The following ATF7IP variants were observed in gnomAD, a reference collection of about 807,000 sequenced individuals.
ATF7IP encodes the protein activating transcription factor 7 interacting protein.
Under a neutral mutation model 106.4 loss-of-function variants are expected in ATF7IP, and 23 were observed. The observed-to-expected ratio is 0.22, with a 90% confidence interval of 0.16 to 0.31. ATF7IP has a LOEUF of 0.31. ATF7IP is among the 10% of genes least tolerant of loss of function. ATF7IP has a pLI of 1.00. For missense variants in ATF7IP, 1,334 were observed against 1,524.3 expected (o/e 0.88, Z 2.08); for synonymous variants, 542 against 539.0 (o/e 1.01, Z -0.08).
intron 13 of ATF7IP, among the ~76,000 whole-genome samples, chr12:14,494,870 T>A: frequency 7.0e-6 from 1 of 142,864 alleles, no homozygotes. Flanking sequence ...GAGGCGGAGG[T>A]TGCAGTGAGC....
intron 14 of ATF7IP, 122 bp from the exon 15 acceptor site, chr12:14,497,532 T>G: frequency 1.9e-6 from 2 of 1,046,806 alleles, no homozygotes; most frequent in Non-Finnish European, 2.7e-6. Flanking sequence ...GTATTTGGTA[T>G]TTCCTAGAAT....
chr12:14,475,680 GA>G (rs1944237814), intron 10 of ATF7IP, among the ~76,000 whole-genome samples: 1 of 152,014 alleles, frequency 6.6e-6, no homozygotes, highest in Non-Finnish European at 1.5e-5. Context: ...AATTTCTTTT[GA>G]AAATTATATT....
intron 1 of ATF7IP, among the ~76,000 whole-genome samples, chr12:14,417,868 T>C (rs1057436776): frequency 6.6e-6 from 1 of 152,214 alleles, no homozygotes; most frequent in South Asian, 2.1e-4. Flanking sequence ...CTGTCTCCTG[T>C]TGCTGGGCAG....
intron 3 of ATF7IP, among the ~76,000 whole-genome samples, chr12:14,434,776 G>T (rs963499819): frequency 3.9e-5 from 6 of 152,138 alleles, no homozygotes; most frequent in African/African-American, 1.4e-4. Context: ...ATGTATTTTA[G>T]TTCACTTAAG....
chr12:14,381,488 C>G (rs541578754), intron 1 of ATF7IP, among the ~76,000 whole-genome samples: 1 of 152,136 alleles, frequency 6.6e-6, no homozygotes. Flanking sequence ...ACTTTGGCCT[C>G]CCAGAGTGTA....
intron 2 of ATF7IP, among the ~76,000 whole-genome samples, chr12:14,427,223 G>A (rs990468617): frequency 6.6e-6 from 1 of 151,830 alleles, no homozygotes; most frequent in African/African-American, 2.4e-5. Flanking sequence ...TACTGGCTTA[G>A]GTGATCCTCC....
chr12:14,486,410 G>A (rs933660936), intron 13 of ATF7IP, among the ~76,000 whole-genome samples: 34 of 152,232 alleles, frequency 2.2e-4, no homozygotes, highest in Admixed American at 6.5e-4. Context: ...GATTCACTGC[G>A]TAAATTGTCA....
intron 1 of ATF7IP, chr12:14,385,033 G>C (rs1295080778): frequency 9.5e-6 from 2 of 209,772 alleles, no homozygotes; most frequent in Non-Finnish European, 1.9e-5. Context: ...AGTTGTTTGG[G>C]ATCTGGATGT....
intron 1 of ATF7IP, chr12:14,394,731 C>G (rs1262992521): frequency 6.6e-6 from 1 of 152,112 alleles, no homozygotes; most frequent in Non-Finnish European, 1.5e-5. Context: ...GTAGTGAGAC[C>G]ACAATTGACA....
At chr12:14,365,949 A>AGCTGCGGGCGGC (rs1304722966) in intron 1 of ATF7IP, 122 bp downstream of exon 1, 1 of 152,252 alleles carries the variant, frequency 6.6e-6, no homozygotes, top group African/African-American at 2.4e-5. Flanking sequence ...GCGGTTGCGG[A>AGCTGCGGGCGGC]GCTGCGGGCG....
intron 1 of ATF7IP, among the ~76,000 whole-genome samples, chr12:14,394,626 G>A (rs1282472335): frequency 6.6e-6 from 1 of 152,150 alleles, no homozygotes; most frequent in African/African-American, 2.4e-5. Flanking sequence ...CTGTGCTAGG[G>A]TAGCAAATAA....
intron 3 of ATF7IP, among the ~76,000 whole-genome samples, chr12:14,435,390 A>G (rs1204222727): frequency 6.6e-6 from 1 of 152,210 alleles, no homozygotes; most frequent in Non-Finnish European, 1.5e-5. Context: ...ACAGAGGGAT[A>G]GGCATGGTCA....
chr12:14,481,833 T>G (rs1944440193), intron 13 of ATF7IP: 1 of 165,040 alleles, frequency 6.1e-6, no homozygotes, highest in East Asian at 1.8e-4. Context: ...TCAATGAGAG[T>G]CTTAAAGATA....
intron 2 of ATF7IP, among the ~76,000 whole-genome samples, chr12:14,429,481 CACTG>C (rs1355856513): frequency 6.6e-6 from 1 of 151,972 alleles, no homozygotes; most frequent in Non-Finnish European, 1.5e-5. Flanking sequence ...TTGCATTAAA[CACTG>C]ACATAGTTTC....
intron 6 of ATF7IP, among the ~76,000 whole-genome samples, chr12:14,454,473 C>T (rs1022137855): frequency 1.3e-5 from 2 of 152,140 alleles, no homozygotes; most frequent in African/African-American, 4.8e-5. Flanking sequence ...AAATCTAATG[C>T]GTTGGGCATC....
intron 5 of ATF7IP, among the ~76,000 whole-genome samples, chr12:14,445,130 A>C (rs564423191): frequency 2.0e-5 from 3 of 151,562 alleles, no homozygotes; most frequent in African/African-American, 7.3e-5. Flanking sequence ...AGCTGGGACT[A>C]CAGGCGCGCG....
At chr12:14,438,103 A>T in intron 4 of ATF7IP, 27 bp from the exon 5 acceptor site, 1 of 1,601,790 alleles carries the variant, frequency 6.2e-7, no homozygotes, top group Non-Finnish European at 8.5e-7. Context: ...CCTTCTTGGC[A>T]TAATGAAGGA....
chr12:14,436,343 C>T, intron 4 of ATF7IP, 92 bp downstream of exon 4: 1 of 1,285,646 alleles, frequency 7.8e-7, no homozygotes, highest in South Asian at 1.4e-5. Flanking sequence ...ATTTTATTGA[C>T]ATAATGTGGT....
chr12:14,419,681 A>G (rs1941387281), intron 1 of ATF7IP, among the ~76,000 whole-genome samples: 1 of 152,162 alleles, frequency 6.6e-6, no homozygotes, highest in Non-Finnish European at 1.5e-5. Context: ...TGGGAAGGGA[A>G]AAACCTTGAA....
Sources: gnomAD v4.1 joint callset for allele counts (sites outside exome capture counted in the v4.1 genomes callset) on GRCh38, gnomAD v4.1.1 for gene constraint, MANE v1.5 for transcripts, NCBI Gene and HGNC (gene_info 2026-07-23, HGNC 2026-07-21) for gene names.